The following MEIS1 variants were observed in gnomAD, a reference collection of about 807,000 sequenced individuals.
The protein encoded by MEIS1 is Meis homeobox 1.
A neutral mutation model predicts 50.8 loss-of-function variants in MEIS1; 5 were observed. The observed-to-expected ratio is 0.10, with a 90% CI of 0.05 to 0.21. The LOEUF is 0.21. MEIS1 is among the 10% of genes least tolerant of loss of function. The pLI is 1.00. For synonymous variants in MEIS1, 176 were observed against 179.3 expected (o/e 0.98, Z 0.15); for missense variants, 318 against 517.3 (o/e 0.61, Z 3.74).
At chr2:66,499,515 A>G (rs1209854151) in intron 7 of MEIS1, among the ~76,000 whole-genome samples, 1 of 152,002 alleles carries the variant, frequency 6.6e-6, no homozygotes, top group Non-Finnish European at 1.5e-5. Flanking sequence ...ACAGGAAAGC[A>G]GAATAGAAAG....
intron 8 of MEIS1, among the ~76,000 whole-genome samples, chr2:66,536,454 A>G (rs1400209821): frequency 6.6e-6 from 1 of 152,242 alleles, no homozygotes; most frequent in African/African-American, 2.4e-5. Flanking sequence ...AGAGACAAGT[A>G]ATAATTATAC....
chr2:66,446,999 C>T (rs1672167957), intron 6 of MEIS1, among the ~76,000 whole-genome samples: 1 of 152,228 alleles, frequency 6.6e-6, no homozygotes, highest in Admixed American at 6.5e-5. Context: ...AAACGCCCTC[C>T]TCCGAAGAAG....
At chr2:66,453,197 T>C (rs954189097) in intron 6 of MEIS1, among the ~76,000 whole-genome samples, 21 of 151,946 alleles carry the variant, frequency 1.4e-4, no homozygotes, top group Admixed American at 1.3e-3. Flanking sequence ...AACATGCCAA[T>C]AGAAAAATAG....
At chr2:66,459,277 C>T (rs1324980768) in intron 6 of MEIS1, among the ~76,000 whole-genome samples, 1 of 152,070 alleles carries the variant, frequency 6.6e-6, no homozygotes, top group Non-Finnish European at 1.5e-5. Flanking sequence ...CAATAAGCAG[C>T]AGAGTATTTG....
chr2:66,561,068 G>T lies in MEIS1; in HGVS notation c.966-6385G>T, dbSNP rs1188074645. On this transcript the variant is annotated intron_variant, in intron 9 of 12. Transcript: ENST00000272369. ...TGAACTCTGAAGACCAACAGTTATG[G>T]ATCATTAAATCCAATATGTAAATGT... Among the ~76,000 whole-genome samples the T allele has an allele frequency of 2.6e-5, 4 of 152,144 alleles. No individual in the cohort carries two copies. The East Asian group carries it at 7.7e-4, about 29-fold the overall frequency.
At chr2:66,460,032 C>T (rs563209049) in intron 6 of MEIS1, among the ~76,000 whole-genome samples, 1 of 152,096 alleles carries the variant, frequency 6.6e-6, no homozygotes, top group Non-Finnish European at 1.5e-5. Flanking sequence ...AGGTCCTGAC[C>T]TCTGTCCAAA....
At chr2:66,496,833 A>G (rs1673416985) in intron 7 of MEIS1, among the ~76,000 whole-genome samples, 2 of 151,946 alleles carry the variant, frequency 1.3e-5, no homozygotes. Flanking sequence ...TTTGTTTTGC[A>G]ATGTGGCTAT....
At chr2:66,474,347 C>A (rs1039950127) in intron 7 of MEIS1, among the ~76,000 whole-genome samples, 4 of 152,106 alleles carry the variant, frequency 2.6e-5, no homozygotes, top group African/African-American at 9.7e-5. Flanking sequence ...GACCCTGTAG[C>A]AAGGGTAACT....
intron 7 of MEIS1, among the ~76,000 whole-genome samples, chr2:66,482,611 A>G (rs1673044925): frequency 6.6e-6 from 1 of 152,196 alleles, no homozygotes; most frequent in African/African-American, 2.4e-5. Context: ...TTAGCATTAT[A>G]TTTCTTGCAT....
Position 66,456,235 on chromosome 2 carries a change from T to TACACACACACACACACACACAC in MEIS1, c.631-7869_631-7848dup, listed in dbSNP as rs3220293. Among the ~76,000 whole-genome samples, 947 of 147,586 alleles carry TACACACACACACACACACACAC rather than the reference T, an allele frequency of 6.4e-3. 16 individuals carry two copies. The highest frequency in any genetic ancestry group is 0.022 in the African/African-American group (859 of 39,278). On this transcript the variant is annotated intron_variant, in intron 6 of 12. Coordinates refer to ENST00000272369, the MANE Select transcript of MEIS1 (RefSeq NM_002398.3). ...CACAGTGACTATCATATGATTTTTA[T>TACACACACACACACACACACAC]ACACACACACACACACACACACACA...
chr2:66,437,747 T>C lies in MEIS1; in HGVS notation c.23T>C (p.Leu8Pro). MAQRYDD[L>P]PHYGGMDGVG... ...CTGTTTGTCATGCAGTACGACGATC[T>C]ACCCCATTACGGGGGCATGGATGGA... The change falls in exon 2 of 13, where the codon CTA becomes CCA. Residue 8 changes from leucine (L) to proline (P), a missense_variant. Leu to Pro is a moderately conservative substitution (Grantham distance 98). Transcript: ENST00000272369. The C allele has an allele frequency of 1.9e-6, 3 of 1,613,918 alleles. No homozygotes were observed. In the South Asian group the frequency reaches 3.3e-5, roughly 18 times the overall value.
chr2:66,456,290 G>A (rs1004507750), intron 6 of MEIS1, among the ~76,000 whole-genome samples: 1 of 147,592 alleles, frequency 6.8e-6, no homozygotes, highest in Non-Finnish European at 1.5e-5. Context: ...CACCAGAGTC[G>A]CTTAGCTGTT....
At chr2:66,552,985 T>C (rs1674957775) in intron 9 of MEIS1, among the ~76,000 whole-genome samples, 1 of 152,194 alleles carries the variant, frequency 6.6e-6, no homozygotes, top group Admixed American at 6.5e-5. Context: ...AGACACAGAT[T>C]GTTTTGTCAA....
At chr2:66,504,036 C>T (rs557043946) in intron 7 of MEIS1, among the ~76,000 whole-genome samples, 17 of 151,730 alleles carry the variant, frequency 1.1e-4, no homozygotes, top group African/African-American at 3.1e-4. Flanking sequence ...TGAGCCACCG[C>T]GCCCAGCCCT....
chr2:66,452,760 G>A (rs1259588210), intron 6 of MEIS1, among the ~76,000 whole-genome samples: 2 of 151,900 alleles, frequency 1.3e-5, no homozygotes, highest in African/African-American at 2.4e-5. Context: ...CATAAAGTTT[G>A]TAGCACTGTT....
At chr2:66,541,739 CTTCTTAGCCAGTCCCA>C (rs1674657424) in intron 8 of MEIS1, among the ~76,000 whole-genome samples, 1 of 152,204 alleles carries the variant, frequency 6.6e-6, no homozygotes, top group African/African-American at 2.4e-5. Context: ...ACATTTCTGG[CTTCTTAGCCAGTCCCA>C]ACACCACCCT....
At chr2:66,515,727 T>C (rs1204753477) in intron 8 of MEIS1, among the ~76,000 whole-genome samples, 2 of 152,182 alleles carry the variant, frequency 1.3e-5, no homozygotes, top group African/African-American at 4.8e-5. Context: ...AGAGGGTCTC[T>C]TAAAAGAAAC....
At chr2:66,439,071 C>G (rs1440603331) in intron 2 of MEIS1, 1 of 146,014 alleles carries the variant, frequency 6.8e-6, no homozygotes, top group African/African-American at 2.5e-5. Context: ...TTTCTTTCTT[C>G]TTCTTCTTCT....
At chr2:66,567,541 T>G in intron 10 of MEIS1, 30 bp downstream of exon 10, 5 of 1,610,550 alleles carry the variant, frequency 3.1e-6, no homozygotes, top group Non-Finnish European at 4.2e-6. Flanking sequence ...TGTATTCAAG[T>G]CACGCAAGCG....
Sources: allele counts gnomAD v4.1 joint callset (sites outside exome capture counted in the v4.1 genomes callset), GRCh38; gene constraint gnomAD v4.1.1; transcripts MANE v1.5; gene names NCBI Gene and HGNC (gene_info 2026-07-23, HGNC 2026-07-21).